Variants in BTBD16 observed in about 807,000 individuals in gnomAD.
BTBD16 encodes the protein BTB/POZ domain-containing protein 16.
BTBD16 carries 66 observed loss-of-function variants against 67.4 expected under a neutral mutation model. The observed-to-expected ratio is 0.98, with a 90% CI of 0.80 to 1.20. BTBD16 has a LOEUF of 1.20. Among genes scored for constraint, BTBD16 ranks in the 50% most tolerant of loss-of-function variants. BTBD16 has a pLI of 0.00. For missense variants in BTBD16, 634 were observed against 616.0 expected, an observed-to-expected ratio of 1.03 and a Z score of -0.31; for synonymous variants, 242 against 236.4, an observed-to-expected ratio of 1.02 and a Z score of -0.22.
At chr10:122,291,988 A>C (rs1312108266) in intron 7 of BTBD16, among the ~76,000 whole-genome samples, 3 of 152,172 alleles carry the variant, frequency 2.0e-5, no homozygotes, top group Admixed American at 6.5e-5. Flanking sequence ...ATGGATGCAG[A>C]AATCATGAGC....
At chr10:122,320,266 C>G (rs1212254780) in intron 10 of BTBD16, among the ~76,000 whole-genome samples, 3 of 151,924 alleles carry the variant, frequency 2.0e-5, no homozygotes, top group Non-Finnish European at 4.4e-5. Flanking sequence ...ACCTTCTTGC[C>G]TTGTTCTAGA....
At chr10:122,282,180 A>T (rs2096354550) in intron 3 of BTBD16, among the ~76,000 whole-genome samples, 2 of 152,124 alleles carry the variant, frequency 1.3e-5, no homozygotes, top group African/African-American at 4.8e-5. Flanking sequence ...GAGTTCATGG[A>T]CCTTGCGCCA....
rs528026822 is a variant in BTBD16 at position 122,306,728 on chromosome 10, A to G, written c.792-461A>G. Among the ~76,000 whole-genome samples the G allele has an allele frequency of 4.6e-5, 7 of 152,354 alleles. No homozygotes were observed. In the East Asian group the frequency reaches 1.3e-3, roughly 29 times the overall value. On this transcript the variant is annotated intron_variant, in intron 9 of 15. Coordinates refer to ENST00000260723, the MANE Select transcript of BTBD16 (RefSeq NM_144587.5). ...GCAGTCTATTTTAGTGTAATATATT[A>G]GAATTAAAATTGATGCCAAAAAATG...
At chr10:122,273,008 C>T (rs1305759424) in intron 1 of BTBD16, among the ~76,000 whole-genome samples, 4 of 143,170 alleles carry the variant, frequency 2.8e-5, no homozygotes, top group African/African-American at 1.1e-4. Flanking sequence ...CTGACACTCA[C>T]CAGCTTGGCA....
Position 122,334,474 on chromosome 10 carries a change from T to C in BTBD16, c.1165-407T>C, listed in dbSNP as rs1228563613. ...CCTCCCAAAGTGCTGGGATTACAGG[T>C]GTGAGCCACCGTGCCCGGCCTTTTT... On this transcript the variant is annotated intron_variant, in intron 13 of 15. Coordinates refer to ENST00000260723, the MANE Select transcript of BTBD16 (RefSeq NM_144587.5). 5.7e-5 allele frequency among the ~76,000 whole-genome samples: 8 copies of C among 139,718 alleles called. No homozygotes were observed. In the East Asian group the frequency reaches 1.1e-3, roughly 19 times the overall value. The allele number at this position is 139,718 out of a possible 152,430, so 91.7% of individuals were successfully genotyped here.
chr10:122,299,326 C>T (rs954342970), intron 9 of BTBD16, among the ~76,000 whole-genome samples, 192 bp downstream of exon 9: 4 of 152,136 alleles, frequency 2.6e-5, no homozygotes, highest in South Asian at 2.1e-4. Context: ...GCTCCCTTCT[C>T]GCTCCTTCTT....
At chr10:122,323,727 T>C (rs1036431717) in intron 10 of BTBD16, among the ~76,000 whole-genome samples, 1 of 152,198 alleles carries the variant, frequency 6.6e-6, no homozygotes, top group African/African-American at 2.4e-5. Flanking sequence ...AGAAGGTCGA[T>C]GCTGGAAAGT....
intron 7 of BTBD16, among the ~76,000 whole-genome samples, chr10:122,295,725 G>A (rs985928950): frequency 1.3e-5 from 2 of 152,090 alleles, no homozygotes; most frequent in South Asian, 2.1e-4. Context: ...AATGCCCAGG[G>A]GATGACAGCA....
At chr10:122,292,834 A>G (rs2096376564) in intron 7 of BTBD16, among the ~76,000 whole-genome samples, 1 of 152,242 alleles carries the variant, frequency 6.6e-6, no homozygotes, top group African/African-American at 2.4e-5. Flanking sequence ...ATGTTGTGCT[A>G]TGTATTATTA....
At chr10:122,284,823 G>A (rs2096360451) in intron 4 of BTBD16, among the ~76,000 whole-genome samples, 1 of 152,064 alleles carries the variant, frequency 6.6e-6, no homozygotes, top group African/African-American at 2.4e-5. Flanking sequence ...ACCATCTCCT[G>A]GCATGAGAGA....
Position 122,331,213 on chromosome 10 carries a change from C to T in BTBD16, c.1041C>T (p.Phe347=), listed in dbSNP as rs941208601. 6.2e-7 allele frequency: 1 copy of T among 1,613,582 alleles called. No homozygotes were observed. The highest frequency in any genetic ancestry group is 1.1e-5 in the South Asian group (1 of 90,940). ...DLEVLRHLNF[F]PESWLDQVTV... Reference sequence around the variant, plus strand: ...AGGTGCTGCGGCACCTTAACTTCTTCCCAGAGTCATGGCTCGACCAGGTTA... The same window carrying T: ...AGGTGCTGCGGCACCTTAACTTCTTTCCAGAGTCATGGCTCGACCAGGTTA... Residue 347 remains phenylalanine (F), a synonymous_variant, in exon 12 of 16, where the codon TTC becomes TTT. Transcript: ENST00000260723.
intron 13 of BTBD16, 198 bp downstream of exon 13, chr10:122,332,711 C>A (rs1168353419): frequency 2.8e-6 from 2 of 725,054 alleles, no homozygotes; most frequent in Non-Finnish European, 3.4e-6. Flanking sequence ...CTGGGGCGGG[C>A]CATTTAATAA....
intron 9 of BTBD16, among the ~76,000 whole-genome samples, chr10:122,302,159 C>A (rs555024694): frequency 2.0e-5 from 3 of 152,196 alleles, no homozygotes; most frequent in Non-Finnish European, 4.4e-5. Context: ...GGCCATTCAG[C>A]CGTCTCCATC....
chr10:122,331,239 C>T lies in BTBD16; in HGVS notation c.1067C>T (p.Thr356Ile). The change falls in exon 12 of 16, where the codon ACA (threonine) becomes ATA (isoleucine). Residue 356 changes from threonine (T) to isoleucine (I), a missense_variant. Coordinates refer to ENST00000260723, the MANE Select transcript of BTBD16 (RefSeq NM_144587.5). ...CCAGAGTCATGGCTCGACCAGGTTA[C>T]AGTCAACCATTACCACGCAGTGAGT... ...FFPESWLDQV[T>I]VNHYHALENG... is the part of the protein sequence containing the mutation. The T allele has an allele frequency of 6.2e-7, 1 of 1,613,996 alleles. No individual in the cohort carries two copies. Among genetic ancestry groups the T allele is most frequent in the Non-Finnish European group, 8.5e-7 (1 of 1,179,952 alleles).
chr10:122,275,597 G>T (rs1354651335), intron 2 of BTBD16, among the ~76,000 whole-genome samples: 1 of 152,156 alleles, frequency 6.6e-6, no homozygotes, highest in Non-Finnish European at 1.5e-5. Context: ...CACACAACTA[G>T]AAAGTAAAAT....
At chr10:122,298,882 A>G (rs2096388494) in intron 8 of BTBD16, 122 bp from the exon 9 acceptor site, 4 of 1,284,838 alleles carry the variant, frequency 3.1e-6, no homozygotes, top group Non-Finnish European at 4.2e-6. Flanking sequence ...TATTTTGTAG[A>G]AAAGGTTTGA....
intron 10 of BTBD16, among the ~76,000 whole-genome samples, chr10:122,310,591 A>G (rs2096412052): frequency 6.6e-6 from 1 of 152,196 alleles, no homozygotes; most frequent in African/African-American, 2.4e-5. Flanking sequence ...GGTCGCTGAC[A>G]GGGATGTGCC....
chr10:122,301,466 C>T (rs1186410258), intron 9 of BTBD16, among the ~76,000 whole-genome samples: 1 of 152,152 alleles, frequency 6.6e-6, no homozygotes. Flanking sequence ...AGGGCTATCA[C>T]TGAAGGGAAA....
At chr10:122,288,961 T>C (rs2096368892) in intron 5 of BTBD16, among the ~76,000 whole-genome samples, 1 of 152,174 alleles carries the variant, frequency 6.6e-6, no homozygotes, top group South Asian at 2.1e-4. Flanking sequence ...GGGGCACCTC[T>C]GGAGACCTGA....
Sources: gnomAD v4.1 joint callset for allele counts (sites outside exome capture counted in the v4.1 genomes callset) on GRCh38, gnomAD v4.1.1 for gene constraint, MANE v1.5 for transcripts, NCBI Gene and HGNC (gene_info 2026-07-23, HGNC 2026-07-21) for gene names.